The following CACNA2D1 variants were observed in gnomAD, a reference collection of about 807,000 sequenced individuals.
CACNA2D1 encodes the protein calcium voltage-gated channel auxiliary subunit alpha2delta 1, also known as voltage-dependent calcium channel subunit alpha-2/delta-1.
Under a neutral mutation model 171.5 loss-of-function variants are expected in CACNA2D1, and 53 were observed. That is an observed-to-expected ratio of 0.31 (90% CI 0.25 to 0.39). The LOEUF (loss-of-function observed/expected upper bound fraction) is 0.39. Among genes scored for constraint, CACNA2D1 ranks in the 10% least tolerant of loss-of-function variants. The probability of loss-of-function intolerance (pLI) is 1.00; values close to 1 mark genes in which losing one functional copy is unlikely to be tolerated. For synonymous variants in CACNA2D1, 442 were observed against 443.1 expected (o/e 1.00, Z 0.03); for missense variants, 903 against 1,299.8 (o/e 0.69, Z 4.69).
chr7:82,122,608 G>C (rs796573956), intron 5 of CACNA2D1, among the ~76,000 whole-genome samples: 23 of 151,388 alleles, frequency 1.5e-4, no homozygotes, highest in African/African-American at 5.6e-4. Flanking sequence ...ATGTAATACA[G>C]TGCTACAAAA....
intron 1 of CACNA2D1, among the ~76,000 whole-genome samples, chr7:82,398,692 T>C (rs1209665055): frequency 6.6e-6 from 1 of 151,580 alleles, no homozygotes; most frequent in Non-Finnish European, 1.5e-5. Context: ...GCCCTCCCAC[T>C]TCAGCCTCCC....
At chr7:82,080,125 CTATA>C (rs200008970) in intron 7 of CACNA2D1, among the ~76,000 whole-genome samples, 4,431 of 135,776 alleles carry the variant, frequency 0.033, 226 homozygotes, top group African/African-American at 0.12. Context: ...ATATGTACAC[CTATA>C]TATATATACA....
At chr7:82,207,769 G>C (rs1027409857) in intron 3 of CACNA2D1, among the ~76,000 whole-genome samples, 1 of 152,046 alleles carries the variant, frequency 6.6e-6, no homozygotes, top group African/African-American at 2.4e-5. Flanking sequence ...TTGTTTAAGT[G>C]GAAGCAACAA....
chr7:82,210,251 T>C (rs998501150), intron 3 of CACNA2D1, among the ~76,000 whole-genome samples: 6 of 150,318 alleles, frequency 4.0e-5, no homozygotes, highest in African/African-American at 1.2e-4. Context: ...TGTAATAGTT[T>C]GAAACTAATT....
At chr7:82,220,627 A>C (rs796371870) in intron 3 of CACNA2D1, among the ~76,000 whole-genome samples, 1 of 152,174 alleles carries the variant, frequency 6.6e-6, no homozygotes, top group Non-Finnish European at 1.5e-5. Flanking sequence ...ATTTTAAGGA[A>C]AAATAACTGG....
chr7:82,241,550 C>T (rs574879810), intron 3 of CACNA2D1, among the ~76,000 whole-genome samples: 29 of 152,214 alleles, frequency 1.9e-4, no homozygotes, highest in African/African-American at 6.0e-4. Flanking sequence ...GGATTCATGA[C>T]AAAAGGAGTC....
At chr7:82,115,426 T>C (rs1303122791) in intron 6 of CACNA2D1, among the ~76,000 whole-genome samples, 1 of 152,032 alleles carries the variant, frequency 6.6e-6, no homozygotes, top group Non-Finnish European at 1.5e-5. Context: ...TGAATCCAAA[T>C]CTCAAGTGAT....
At chr7:82,201,427 A>G (rs1166170314) in intron 3 of CACNA2D1, among the ~76,000 whole-genome samples, 2 of 152,050 alleles carry the variant, frequency 1.3e-5, no homozygotes, top group Non-Finnish European at 2.9e-5. Context: ...CAAACAATAC[A>G]TTAGGTGTCT....
intron 3 of CACNA2D1, among the ~76,000 whole-genome samples, chr7:82,284,679 C>T (rs994522490): frequency 2.0e-5 from 3 of 152,086 alleles, no homozygotes; most frequent in African/African-American, 4.8e-5. Flanking sequence ...TTCTGTACAG[C>T]GCTAATGGCA....
intron 10 of CACNA2D1, among the ~76,000 whole-genome samples, chr7:82,038,828 C>G (rs1003734700): frequency 1.3e-5 from 2 of 152,120 alleles, no homozygotes; most frequent in Non-Finnish European, 2.9e-5. Context: ...ACCTTGGAGG[C>G]AAGGTGATGG....
intron 3 of CACNA2D1, among the ~76,000 whole-genome samples, chr7:82,288,963 A>G (rs1436089298): frequency 6.6e-6 from 1 of 152,328 alleles, no homozygotes; most frequent in East Asian, 1.9e-4. Flanking sequence ...CCCATAGTTA[A>G]ATAATAAATC....
chr7:82,023,377 C>G (rs913053655), intron 12 of CACNA2D1, among the ~76,000 whole-genome samples: 2 of 151,806 alleles, frequency 1.3e-5, no homozygotes, highest in Admixed American at 6.6e-5. Flanking sequence ...ACATTTTGTT[C>G]TAATTCTCAA....
rs568794131 is a variant in CACNA2D1, at chr7:82,283,712, T to C, written c.294+51423A>G. 2.6e-5 allele frequency among the ~76,000 whole-genome samples: 4 copies of C among 152,264 alleles called. No homozygotes were observed. In the East Asian group the frequency reaches 5.8e-4, roughly 22 times the overall value. On this transcript the variant is annotated intron_variant, in intron 3 of 38. Coordinates refer to ENST00000356860, the MANE Select transcript of CACNA2D1 (RefSeq NM_000722.4). ...AAGGTCACACATGGACTTTGGGACA[T>C]TAAATTGCATAAGGGAAAAATAGCA...
chr7:82,057,336 G>T (rs1562975830), intron 10 of CACNA2D1, among the ~76,000 whole-genome samples: 2 of 152,078 alleles, frequency 1.3e-5, no homozygotes, highest in South Asian at 4.1e-4. Context: ...AAGTAGGAAA[G>T]TCCCCTCTTA....
intron 38 of CACNA2D1, among the ~76,000 whole-genome samples, chr7:81,956,724 CTCCATCTAGTGGCT>C (rs1251291756): frequency 6.6e-6 from 1 of 152,102 alleles, no homozygotes; most frequent in Non-Finnish European, 1.5e-5. Context: ...ATGGCCACAT[CTCCATCTAGTGGCT>C]TCCTAATCAA....
intron 4 of CACNA2D1, among the ~76,000 whole-genome samples, chr7:82,146,595 T>G (rs1226444059): frequency 6.6e-6 from 1 of 150,388 alleles, no homozygotes; most frequent in African/African-American, 2.4e-5. Flanking sequence ...TGTTCTATTG[T>G]GCATATACTC....
chr7:82,373,715 G>A (rs1822681779), intron 1 of CACNA2D1, among the ~76,000 whole-genome samples: 1 of 152,140 alleles, frequency 6.6e-6, no homozygotes, highest in Non-Finnish European at 1.5e-5. Flanking sequence ...AGAACACTGA[G>A]CTCCTTAGAC....
chr7:82,352,669 G>A (rs1228852878), intron 1 of CACNA2D1, among the ~76,000 whole-genome samples: 1 of 152,166 alleles, frequency 6.6e-6, no homozygotes, highest in Non-Finnish European at 1.5e-5. Context: ...GTTTGAGGAA[G>A]CAGAAGAGAG....
At chr7:81,996,396 A>ACT (rs138584454) in intron 19 of CACNA2D1, among the ~76,000 whole-genome samples, 5,971 of 152,190 alleles carry the variant, frequency 0.039, 361 homozygotes, top group African/African-American at 0.13. Context: ...ATTGAAATGC[A>ACT]GTGACAAGTT....
Sources: gnomAD v4.1 joint callset for allele counts (sites outside exome capture counted in the v4.1 genomes callset) on GRCh38, gnomAD v4.1.1 for gene constraint, MANE v1.5 for transcripts, NCBI Gene and HGNC (gene_info 2026-07-23, HGNC 2026-07-21) for gene names.